CHDH: variants seen among roughly 807,000 people sequenced by gnomAD.
CHDH encodes choline dehydrogenase, mitochondrial.
CHDH carries 43 observed loss-of-function variants against 56.9 expected under a neutral mutation model. The observed-to-expected ratio is 0.76, with a 90% CI of 0.59 to 0.97. The LOEUF is 0.97. Ranked by LOEUF, CHDH falls within the 50% of genes least tolerant of loss-of-function variation. CHDH has a pLI of 0.00. For missense variants in CHDH, 816 were observed against 821.1 expected, an observed-to-expected ratio of 0.99 and a Z score of 0.08; for synonymous variants, 364 against 348.5, an observed-to-expected ratio of 1.04 and a Z score of -0.50.
intron 2 of CHDH, among the ~76,000 whole-genome samples, chr3:53,838,468 G>T (rs1037044392): frequency 1.3e-5 from 2 of 152,220 alleles, no homozygotes; most frequent in Non-Finnish European, 2.9e-5. Flanking sequence ...AGAGGGCCTC[G>T]GGTGAAAGTA....
At chr3:53,821,433 G>A (rs746319239) in intron 5 of CHDH, among the ~76,000 whole-genome samples, 7 of 152,178 alleles carry the variant, frequency 4.6e-5, no homozygotes, top group East Asian at 3.9e-4. Flanking sequence ...TAGGGCAGCC[G>A]GAGGAGGGAG....
At position 53,821,645 on chromosome 3, in the gene CHDH, A is replaced by C. The variant is rs767261558; in HGVS notation, c.985+2T>G. The C allele has an allele frequency of 6.2e-7, 1 of 1,613,420 alleles. No homozygotes were observed. The highest frequency in any genetic ancestry group is 1.1e-5 in the South Asian group (1 of 91,046). The stretch of plus-strand genomic sequence containing the variant: ...TGGGGAGCAGTAAAGAAGGGGACTC[A>C]CCAGGTAGGTGGCACACCACAGGGA... On this transcript the variant is annotated splice_donor_variant, in intron 5 of 8. Coordinates refer to ENST00000315251, the MANE Select transcript of CHDH (RefSeq NM_018397.5). LOFTEE classifies it high-confidence loss of function.
At chr3:53,834,719 G>C (rs1034183956) in intron 2 of CHDH, among the ~76,000 whole-genome samples, 5 of 152,214 alleles carry the variant, frequency 3.3e-5, no homozygotes, top group African/African-American at 1.2e-4. Flanking sequence ...CTTCCTGAAA[G>C]GGCCCTTCGC....
Position 53,823,997 on chromosome 3 carries a change from G to T in CHDH, c.12C>A (p.Leu4=). 6.7e-7 allele frequency: 1 copy of T among 1,484,954 alleles called. No individual in the cohort carries two copies. Among genetic ancestry groups the T allele is most frequent in the South Asian group, 1.3e-5 (1 of 75,918 alleles). The allele number at this position is 1,484,954 out of a possible 1,614,324, so 92.0% of individuals were successfully genotyped here. The change falls in exon 3 of 9, where the codon CTC becomes CTA. Residue 4 remains leucine, a synonymous_variant. Coordinates refer to ENST00000315251, the MANE Select transcript of CHDH (RefSeq NM_018397.5). The part of the protein sequence containing the change: MWC[L]LRGLGRPGAL... ...CTCCAGGCCGGCCCAGGCCTCGTAG[G>T]AGACACCACATGCTTCTATCTAGTC...
chr3:53,814,947 A>C lies in CHDH; in HGVS notation c.*2830T>G, dbSNP rs1286063158. On this transcript the variant is annotated 3_prime_UTR_variant, in exon 9 of 9. Coordinates refer to ENST00000315251, the MANE Select transcript of CHDH (RefSeq NM_018397.5). ...AGTGCTGGGATTACAGGCGTGAGCCACCATGCCTAGCCAAGAAGAATCTAT... is the reference window on the plus strand; with the variant it reads ...AGTGCTGGGATTACAGGCGTGAGCCCCCATGCCTAGCCAAGAAGAATCTAT... 6.6e-6 allele frequency: 1 copy of C among 152,294 alleles called. No individual in the cohort carries two copies. Among genetic ancestry groups the C allele is most frequent in the Non-Finnish European group, 1.5e-5 (1 of 68,118 alleles). 9.4% of individuals were successfully genotyped at this position (152,294 alleles called of 1,614,324 possible). A position where few individuals can be genotyped will look rare whatever the true frequency, so the allele number is the denominator to read the frequency against.
At chr3:53,839,114 G>C (rs1278483686) in intron 2 of CHDH, among the ~76,000 whole-genome samples, 1 of 152,154 alleles carries the variant, frequency 6.6e-6, no homozygotes, top group Non-Finnish European at 1.5e-5. Flanking sequence ...GGGTCAGCTG[G>C]GGACTCACCA....
chr3:53,823,545 G>A lies in CHDH; in HGVS notation c.464C>T (p.Ala155Val). The change falls in exon 3 of 9, where the codon GCC becomes GTC. Residue 155 changes from alanine to valine, a missense_variant. By Grantham distance (64) the Ala-to-Val change is moderately conservative. Transcript: ENST00000315251. Reference sequence around the variant, plus strand: ...GCAGTGCGCGTAGTCCCAGCCGCGGGCGCCCTGGCGCTGCCAGCGCTCGTA... The same window carrying A: ...GCAGTGCGCGTAGTCCCAGCCGCGGACGCCCTGGCGCTGCCAGCGCTCGTA... ...EDYERWQRQG[A>V]RGWDYAHCLP... 5 of 1,542,286 alleles carry A rather than the reference G, an allele frequency of 3.2e-6. No homozygotes were observed. The highest frequency in any genetic ancestry group is 4.4e-6 in the Non-Finnish European group (5 of 1,146,038).
chr3:53,821,680 T>G lies in CHDH; in HGVS notation c.952A>C (p.Lys318Gln). 1 of 1,613,934 alleles carries G rather than the reference T, an allele frequency of 6.2e-7. No homozygotes were observed. Among genetic ancestry groups the G allele is most frequent in the Non-Finnish European group, 8.5e-7 (1 of 1,179,880 alleles). ...TGGCACACCACAGGGATGCCCAGTT[T>G]CTTGAGGTCATCAGCATTCCCGATG... ...SGIGNADDLK[K>Q]LGIPVVCHLP... The change falls in exon 5 of 9, where the codon AAA becomes CAA. Residue 318 changes from lysine (K) to glutamine (Q), a missense_variant. Physicochemically the swap from Lys to Gln is moderately conservative, Grantham distance 53 (BLOSUM62 1). Transcript: ENST00000315251.
intron 2 of CHDH, among the ~76,000 whole-genome samples, chr3:53,825,433 G>GAA (rs200448629): frequency 1.3e-5 from 2 of 151,338 alleles, no homozygotes; most frequent in Non-Finnish European, 2.9e-5. Flanking sequence ...GAAAACTATA[G>GAA]AAAAAAACAT....
At chr3:53,838,852 G>A (rs1373721511) in intron 2 of CHDH, among the ~76,000 whole-genome samples, 1 of 152,158 alleles carries the variant, frequency 6.6e-6, no homozygotes, top group Non-Finnish European at 1.5e-5. Context: ...GAGGCCTAGG[G>A]GGTAGTAGCT....
rs761767515 is a variant in CHDH at position 53,823,859 on chromosome 3, C to T, written c.150G>A (p.Ser50=). 1.3e-6 allele frequency: 2 copies of T among 1,590,802 alleles called. No homozygotes were observed. The highest frequency in any genetic ancestry group is 1.7e-4 in the Middle Eastern group (1 of 6,042). Residue 50 remains serine (S), a synonymous_variant, in exon 3 of 9, where the codon TCG becomes TCA. Coordinates refer to ENST00000315251, the MANE Select transcript of CHDH (RefSeq NM_018397.5). The part of the protein sequence containing the change: ...EYSYVVVGAG[S]AGCVLAGRLT... ...GCCTCCCAGCCAGCACGCAGCCCGC[C>T]GAGCCCGCGCCCACCACCACATAGC...
intron 2 of CHDH, among the ~76,000 whole-genome samples, chr3:53,838,452 C>T (rs1351924780): frequency 6.6e-6 from 1 of 152,192 alleles, no homozygotes; most frequent in African/African-American, 2.4e-5. Flanking sequence ...GTGGCATCTG[C>T]AGCACAGAGG....
Position 53,823,983 on chromosome 3 carries a change from C to A in CHDH, c.26G>T (p.Gly9Val). Reference protein sequence around the residue: MWCLLRGLGRPGALARGAL... With the variant: MWCLLRGLVRPGALARGAL... ...TCCCCGTGCCAGGGCTCCAGGCCGG[C>A]CCAGGCCTCGTAGGAGACACCACAT... is the stretch of plus-strand genomic sequence containing the variant. The change falls in exon 3 of 9, where the codon GGC becomes GTC. Residue 9 changes from glycine to valine, a missense_variant. Transcript: ENST00000315251. 6.7e-7 allele frequency: 1 copy of A among 1,500,776 alleles called. No individual in the cohort carries two copies. 93.0% of individuals were successfully genotyped at this position (1,500,776 alleles called of 1,614,324 possible).
At chr3:53,822,954 C>A (rs557101360) in intron 3 of CHDH, among the ~76,000 whole-genome samples, 2 of 152,320 alleles carry the variant, frequency 1.3e-5, no homozygotes, top group East Asian at 3.9e-4. Flanking sequence ...CCTGGCTCGC[C>A]TCTGTCCTGC....
rs79294283 is a variant in CHDH at position 53,839,998 on chromosome 3, G to A, written c.-60+931C>T. Among the ~76,000 whole-genome samples, 508 of 152,244 alleles carry A rather than the reference G, an allele frequency of 3.3e-3. 4 individuals are homozygous for A. In the East Asian group the frequency reaches 0.036, roughly 11 times the overall value. The stretch of plus-strand genomic sequence containing the variant: ...AAAATCACATTCTCACTCATGGTGC[G>A]GAGGCTAAAAAAGTGGATCTCAGGA... On this transcript the variant is annotated intron_variant, in intron 2 of 8. Transcript: ENST00000315251.
Position 53,819,758 on chromosome 3 carries a change from C to G in CHDH, c.1121-84G>C. ...CTGCTCCTGGTTTCCCTCCTTTCTC[C>G]TGGCCGCTCCTCTTCCTTTTCCCGG... On this transcript the variant is annotated intron_variant, in intron 6 of 8. Coordinates refer to ENST00000315251, the MANE Select transcript of CHDH (RefSeq NM_018397.5). This position sits in a 1 kb window ranked among gnomAD's most constrained non-coding sequence, Gnocchi z 5.4. The G allele has an allele frequency of 7.0e-7, 1 of 1,432,184 alleles. No homozygotes were observed. The highest frequency in any genetic ancestry group is 9.3e-7 in the Non-Finnish European group (1 of 1,076,322). 88.7% of individuals were successfully genotyped at this position (1,432,184 alleles called of 1,614,324 possible). A position where few individuals can be genotyped will look rare whatever the true frequency, so the allele number is the denominator to read the frequency against.
At chr3:53,821,612 A>G (rs762595515) in intron 5 of CHDH, 35 bp downstream of exon 5, 3 of 1,598,792 alleles carry the variant, frequency 1.9e-6, no homozygotes, top group South Asian at 2.2e-5. Context: ...TTGAGCAGAG[A>G]CAGCCTCTGG....
intron 8 of CHDH, among the ~76,000 whole-genome samples, chr3:53,818,432 G>GGTTT (rs2095619789): frequency 6.6e-6 from 1 of 152,194 alleles, no homozygotes; most frequent in African/African-American, 2.4e-5. Flanking sequence ...CAGAGGCCCA[G>GGTTT]GTTTAAATCA....
chr3:53,846,293 G>C lies in CHDH; in HGVS notation c.-341C>G, dbSNP rs1698884393. On this transcript the variant is annotated 5_prime_UTR_variant, in exon 1 of 9. Transcript: ENST00000315251. Reference sequence around the variant, plus strand: ...TCCAGCGGAGGCGCGCGAAGCCCGAGGGCGGGTGCAGCTGATGCACCTGGC... The same window carrying C: ...TCCAGCGGAGGCGCGCGAAGCCCGACGGCGGGTGCAGCTGATGCACCTGGC... The C allele has an allele frequency of 2.8e-6, 1 of 353,448 alleles. No individual in the cohort carries two copies. Among genetic ancestry groups the C allele is most frequent in the African/African-American group, 2.1e-5 (1 of 46,674 alleles). The allele number at this position is 353,448 out of a possible 1,614,324, so 21.9% of individuals were successfully genotyped here.
Sources: gnomAD v4.1 joint callset for allele counts (sites outside exome capture counted in the v4.1 genomes callset) on GRCh38, gnomAD v4.1.1 for gene constraint, Gnocchi (gnomAD v3.1) non-coding constraint, MANE v1.5 for transcripts, NCBI Gene and HGNC (gene_info 2026-07-23, HGNC 2026-07-21) for gene names.